TBC1D31: variants seen among roughly 807,000 people sequenced by gnomAD.
The protein encoded by TBC1D31 is WD repeat domain 67.
TBC1D31 carries 99 observed loss-of-function variants against 132.9 expected under a neutral mutation model. The observed-to-expected ratio is 0.74, with a 90% CI of 0.63 to 0.88. The LOEUF (loss-of-function observed/expected upper bound fraction) is 0.88, where lower values mean the gene tolerates loss of function less well. Among genes scored for constraint, TBC1D31 ranks in the 40% least tolerant of loss-of-function variants. The pLI is 0.00. For missense variants in TBC1D31, 1,134 were observed against 1,256.6 expected (o/e 0.90, Z 1.48); for synonymous variants, 385 against 419.4 (o/e 0.92, Z 1.00).
At chr8:123,145,587 G>T (rs1229355346) in intron 20 of TBC1D31, among the ~76,000 whole-genome samples, 1 of 151,966 alleles carries the variant, frequency 6.6e-6, no homozygotes, top group African/African-American at 2.4e-5. Context: ...ATACCCTGGA[G>T]GCTGAGGCGA....
intron 4 of TBC1D31, among the ~76,000 whole-genome samples, chr8:123,091,052 T>C (rs904851662): frequency 1.3e-5 from 2 of 152,160 alleles, no homozygotes; most frequent in African/African-American, 4.8e-5. Context: ...ATTTTTGTGT[T>C]CTACAAGGAA....
At chr8:123,099,861 T>C (rs1817211017) in intron 6 of TBC1D31, among the ~76,000 whole-genome samples, 1 of 152,134 alleles carries the variant, frequency 6.6e-6, no homozygotes, top group Non-Finnish European at 1.5e-5. Flanking sequence ...TGAAGGCCTT[T>C]GTTCTCTGTC....
chr8:123,074,644 C>A (rs1016956092), intron 1 of TBC1D31, among the ~76,000 whole-genome samples: 1 of 152,176 alleles, frequency 6.6e-6, no homozygotes, highest in African/African-American at 2.4e-5. Flanking sequence ...GGTTGATTAT[C>A]CAAATGTCTT....
intron 10 of TBC1D31, among the ~76,000 whole-genome samples, chr8:123,115,910 A>T (rs1177222618): frequency 1.3e-5 from 2 of 152,206 alleles, no homozygotes; most frequent in African/African-American, 2.4e-5. Flanking sequence ...CATGTAAAAT[A>T]ATATCTTCAT....
chr8:123,162,842 CT>C, the TBC1D31 span, among the ~76,000 whole-genome samples: 3 of 151,008 alleles, frequency 2.0e-5, no homozygotes, highest in African/African-American at 4.9e-5. Flanking sequence ...TTTTTCTTTT[CT>C]TTTTTTTTAG....
intron 16 of TBC1D31, 64 bp from the exon 17 acceptor site, chr8:123,134,050 T>A: frequency 1.5e-6 from 2 of 1,307,930 alleles, no homozygotes; most frequent in Non-Finnish European, 2.2e-6. Context: ...ACAGGATTAC[T>A]AAATATATTA....
chr8:123,099,641 T>A (rs1563694554), intron 6 of TBC1D31, among the ~76,000 whole-genome samples: 1 of 152,092 alleles, frequency 6.6e-6, no homozygotes, highest in Non-Finnish European at 1.5e-5. Context: ...TTAGCTTTGA[T>A]TAGCTATGGA....
chr8:123,078,055 A>G (rs540517654), intron 2 of TBC1D31, among the ~76,000 whole-genome samples: 2 of 150,530 alleles, frequency 1.3e-5, no homozygotes, highest in African/African-American at 2.4e-5. Context: ...CTCCATCTCA[A>G]AAAAAAAAAG....
chr8:123,098,918 C>T (rs1170690155), intron 6 of TBC1D31, among the ~76,000 whole-genome samples: 2 of 152,154 alleles, frequency 1.3e-5, no homozygotes, highest in African/African-American at 2.4e-5. Flanking sequence ...AGCCAACCAA[C>T]AGGAGAACTT....
intron 5 of TBC1D31, among the ~76,000 whole-genome samples, chr8:123,095,421 G>GCTT (rs1816751762): frequency 6.6e-6 from 1 of 152,162 alleles, no homozygotes; most frequent in Admixed American, 6.5e-5. Flanking sequence ...TTGATGTACA[G>GCTT]TTGTAAAGGA....
intron 19 of TBC1D31, 79 bp from the exon 20 acceptor site, chr8:123,144,638 C>T (rs1020291255): frequency 1.5e-6 from 2 of 1,329,652 alleles, no homozygotes; most frequent in African/African-American, 1.5e-5. Flanking sequence ...ATAGAGAAGA[C>T]AGAAGTGGCT....
intron 17 of TBC1D31, among the ~76,000 whole-genome samples, chr8:123,134,413 A>T (rs755135583): frequency 3.3e-5 from 5 of 151,960 alleles, no homozygotes; most frequent in Non-Finnish European, 7.4e-5. Flanking sequence ...TGTAGTCCCA[A>T]CTACTCAGGA....
intron 16 of TBC1D31, among the ~76,000 whole-genome samples, chr8:123,131,815 A>C (rs1222447896): frequency 6.6e-6 from 1 of 152,182 alleles, no homozygotes; most frequent in Non-Finnish European, 1.5e-5. Context: ...ATTGTACTGC[A>C]TCAGTCTTAA....
downstream of TBC1D31, among the ~76,000 whole-genome samples, chr8:123,154,071 G>A (rs994105662): frequency 2.6e-5 from 4 of 152,146 alleles, no homozygotes; most frequent in Admixed American, 6.5e-5. Context: ...GCAAGATTTC[G>A]GCATTTGTAA....
chr8:123,155,747 C>G (rs1056784405), downstream of TBC1D31, among the ~76,000 whole-genome samples: 6 of 152,214 alleles, frequency 3.9e-5, no homozygotes, highest in African/African-American at 1.4e-4. This position sits in a 1 kb window ranked among gnomAD's most constrained non-coding sequence, Gnocchi z 4.1. Context: ...TTCTTTAACC[C>G]TTCCCCAAAG....
intron 20 of TBC1D31, among the ~76,000 whole-genome samples, chr8:123,147,383 G>A (rs1221564701): frequency 6.6e-6 from 1 of 152,150 alleles, no homozygotes; most frequent in African/African-American, 2.4e-5. Flanking sequence ...ATGTTGGGCA[G>A]GGTGGTCTCA....
At chr8:123,125,210 A>T (rs924536958) in intron 11 of TBC1D31, among the ~76,000 whole-genome samples, 1 of 152,246 alleles carries the variant, frequency 6.6e-6, no homozygotes, top group Admixed American at 6.5e-5. Flanking sequence ...AAAAAATTTT[A>T]AAATTAAGTT....
At chr8:123,150,424 T>C (rs539106870) in intron 21 of TBC1D31, among the ~76,000 whole-genome samples, 17 of 152,360 alleles carry the variant, frequency 1.1e-4, no homozygotes, top group African/African-American at 3.6e-4. Context: ...AGTCTCTAAC[T>C]AGGTTGATAA....
At chr8:123,107,306 A>G (rs1178967487) in intron 8 of TBC1D31, among the ~76,000 whole-genome samples, 2 of 152,190 alleles carry the variant, frequency 1.3e-5, no homozygotes, top group African/African-American at 4.8e-5. Flanking sequence ...TTCCACATGA[A>G]GAAATAGAGC....
Sources: allele counts gnomAD v4.1 joint callset (sites outside exome capture counted in the v4.1 genomes callset), GRCh38; gene constraint gnomAD v4.1.1; non-coding constraint Gnocchi (gnomAD v3.1); transcripts MANE v1.5; gene names NCBI Gene and HGNC (gene_info 2026-07-23, HGNC 2026-07-21).